FGFR2: variants seen among roughly 807,000 people sequenced by gnomAD.
FGFR2 encodes the protein fibroblast growth factor receptor 2.
FGFR2 carries 19 observed loss-of-function variants against 95.9 expected under a neutral mutation model. The observed-to-expected ratio is 0.20, with a 90% CI of 0.14 to 0.29. FGFR2 has a LOEUF of 0.29. FGFR2 is among the 10% of genes least tolerant of loss of function. The pLI is 1.00. For missense variants in FGFR2, 707 were observed against 1,056.9 expected, an observed-to-expected ratio of 0.67 and a Z score of 4.59; for synonymous variants, 392 against 393.3, an observed-to-expected ratio of 1.00 and a Z score of 0.04.
intron 9 of FGFR2, among the ~76,000 whole-genome samples, chr10:121,509,584 A>G (rs1848787426): frequency 7.0e-6 from 1 of 141,924 alleles, no homozygotes; most frequent in Admixed American, 7.7e-5. Flanking sequence ...ACCGGGTTCA[A>G]GTGATTCTCC....
chr10:121,480,049 T>C (rs1249528874), intron 17 of FGFR2, 28 bp from the exon 18 acceptor site: 2 of 1,601,354 alleles, frequency 1.2e-6, no homozygotes, highest in Non-Finnish European at 1.7e-6. Flanking sequence ...AGACGTTTTA[T>C]TTCATCTTGG....
At chr10:121,533,806 A>T (rs1852416324) in intron 6 of FGFR2, among the ~76,000 whole-genome samples, 1 of 152,150 alleles carries the variant, frequency 6.6e-6, no homozygotes, top group Non-Finnish European at 1.5e-5. Flanking sequence ...GAACACCCAG[A>T]TGGAGGCCCC....
At chr10:121,524,158 C>T (rs1259160124) in intron 6 of FGFR2, among the ~76,000 whole-genome samples, 1 of 148,858 alleles carries the variant, frequency 6.7e-6, no homozygotes, top group African/African-American at 2.5e-5. Context: ...CCCAAGTTTG[C>T]AATGGTTTAA....
intron 2 of FGFR2, among the ~76,000 whole-genome samples, chr10:121,569,965 A>AT (rs1392980432): frequency 6.6e-6 from 1 of 152,226 alleles, no homozygotes; most frequent in African/African-American, 2.4e-5. Flanking sequence ...GTTGGGGAGA[A>AT]TAAAAAGAGG....
chr10:121,524,295 T>C (rs770095846), intron 6 of FGFR2, among the ~76,000 whole-genome samples: 3 of 152,168 alleles, frequency 2.0e-5, no homozygotes, highest in Admixed American at 6.6e-5. Flanking sequence ...CTCCGCCCTT[T>C]CTCACTTCTG....
chr10:121,490,400 G>A (rs1327696234), intron 13 of FGFR2, among the ~76,000 whole-genome samples: 2 of 152,074 alleles, frequency 1.3e-5, no homozygotes, highest in African/African-American at 2.4e-5. Context: ...CTGACCTCAA[G>A]TGATCCACCC....
intron 9 of FGFR2, among the ~76,000 whole-genome samples, chr10:121,511,338 T>G (rs1849033730): frequency 6.6e-6 from 1 of 152,120 alleles, no homozygotes; most frequent in Admixed American, 6.5e-5. Flanking sequence ...AGAAAGAAAC[T>G]GATGTGCTCG....
rs560834180 is a variant in FGFR2, at chr10:121,523,115, A to G, written c.749-2946T>C. 1.2e-4 allele frequency among the ~76,000 whole-genome samples: 18 copies of G among 152,348 alleles called. No individual in the cohort carries two copies. The South Asian group carries it at 3.7e-3, about 32-fold the overall frequency. On this transcript the variant is annotated intron_variant, in intron 6 of 17. Transcript: ENST00000358487. ...AAGTGCTAGTGGTTACTCTTAGCAC[A>G]TTTCATTCCAGAATCTCCCATCACT...
chr10:121,530,776 GT>G (rs1019942176), intron 6 of FGFR2, among the ~76,000 whole-genome samples: 2 of 152,146 alleles, frequency 1.3e-5, no homozygotes, highest in African/African-American at 4.8e-5. Flanking sequence ...TTATTAAACT[GT>G]TTTTTGATTA....
intron 11 of FGFR2, among the ~76,000 whole-genome samples, chr10:121,499,977 C>T (rs145227090): frequency 1.2e-4 from 18 of 152,324 alleles, no homozygotes; most frequent in African/African-American, 3.6e-4. Context: ...AAGACAAAGC[C>T]TAACTCCAGA....
chr10:121,489,649 G>A (rs537255302), intron 13 of FGFR2, among the ~76,000 whole-genome samples: 1 of 152,172 alleles, frequency 6.6e-6, no homozygotes, highest in East Asian at 1.9e-4. Flanking sequence ...TTCCCTTGAC[G>A]TCTCAAATTC....
At chr10:121,520,858 G>T (rs536119289) in intron 6 of FGFR2, among the ~76,000 whole-genome samples, 4 of 152,172 alleles carry the variant, frequency 2.6e-5, no homozygotes, top group Non-Finnish European at 5.9e-5. Context: ...GCCTGGGCTG[G>T]TCTCAAACTC....
intron 5 of FGFR2, among the ~76,000 whole-genome samples, chr10:121,550,772 A>C (rs868846292): frequency 1.5e-4 from 23 of 152,224 alleles, no homozygotes; most frequent in African/African-American, 2.4e-4. Context: ...ATGAAGAACA[A>C]CACAAACGGG....
In FGFR2 at chr10:121,598,148, T is replaced by C. The variant is rs531721871; in HGVS notation, c.-337A>G. 2.3e-5 allele frequency: 9 copies of C among 398,272 alleles called. 1 individual carries two copies. In the South Asian group the frequency reaches 1.0e-3, roughly 45 times the overall value. 24.7% of individuals were successfully genotyped at this position (398,272 alleles called of 1,614,324 possible). The stretch of plus-strand genomic sequence containing the variant: ...CCCAGGCTGCGGAGGAGCGCGGGCA[T>C]GACGCCCGCGGGCTGCCCTCGGATT... On this transcript the variant is annotated 5_prime_UTR_variant, in exon 1 of 18. An upstream start codon of the reference 5' UTR is lost. Transcript: ENST00000358487.
chr10:121,572,458 A>T (rs949254756), intron 2 of FGFR2, among the ~76,000 whole-genome samples: 1 of 152,048 alleles, frequency 6.6e-6, no homozygotes, highest in African/African-American at 2.4e-5. Flanking sequence ...CATCTCTATT[A>T]AATATAAAAA....
chr10:121,509,695 C>T (rs1427907777), intron 9 of FGFR2, among the ~76,000 whole-genome samples: 2 of 151,846 alleles, frequency 1.3e-5, no homozygotes, highest in Non-Finnish European at 2.9e-5. Context: ...GCTGGTCAGG[C>T]TGGTCTCGAA....
chr10:121,593,974 GA>G lies in FGFR2; in HGVS notation c.-150-8del, dbSNP rs1863075089. The G allele has an allele frequency of 1.4e-6, 1 of 729,386 alleles. No homozygotes were observed. Among genetic ancestry groups the G allele is most frequent in the African/African-American group, 1.7e-5 (1 of 57,514 alleles). The allele number at this position is 729,386 out of a possible 1,614,324, so 45.2% of individuals were successfully genotyped here. On this transcript the variant is annotated splice_polypyrimidine_tract_variant and splice_region_variant and intron_variant, in intron 1 of 17. Coordinates refer to ENST00000358487, the MANE Select transcript of FGFR2 (RefSeq NM_000141.5). ...GCCGCTGCTGCTGCAGTCACTAAAG[GA>G]AAGAGATTGGCGAGTCAGGGAATCT...
At chr10:121,486,347 G>A (rs1365474425) in intron 15 of FGFR2, among the ~76,000 whole-genome samples, 1 of 152,216 alleles carries the variant, frequency 6.6e-6, no homozygotes, top group African/African-American at 2.4e-5. Flanking sequence ...GGATAGTCAT[G>A]TCTTTTTTTT....
At position 121,517,721 on chromosome 10, in the gene FGFR2, A is replaced by C. The variant is rs1301489588; in HGVS notation, c.940-258T>G. The stretch of plus-strand genomic sequence containing the variant: ...TCAAACGCATGGAAAAAATCAACCC[A>C]CAGAGGTCCGTTCTCTTGGCCTGTG... On this transcript the variant is annotated intron_variant, in intron 7 of 17. Coordinates refer to ENST00000358487, the MANE Select transcript of FGFR2 (RefSeq NM_000141.5). The surrounding 1 kb of genome is among the most constrained non-coding windows in gnomAD (Gnocchi z 4.7). 6.6e-6 allele frequency among the ~76,000 whole-genome samples: 1 copy of C among 151,832 alleles called. No individual in the cohort carries two copies. Among genetic ancestry groups the C allele is most frequent in the Non-Finnish European group, 1.5e-5 (1 of 67,956 alleles).
Sources: gnomAD v4.1 joint callset for allele counts (sites outside exome capture counted in the v4.1 genomes callset) on GRCh38, gnomAD v4.1.1 for gene constraint, Gnocchi (gnomAD v3.1) non-coding constraint, MANE v1.5 for transcripts, NCBI Gene and HGNC (gene_info 2026-07-23, HGNC 2026-07-21) for gene names.